Variants in SEMA3A observed in about 807,000 individuals in gnomAD.
The protein encoded by SEMA3A is semaphorin-3A.
In SEMA3A, 29 loss-of-function variants were observed where a neutral mutation model predicts 97.9. The ratio of observed to expected loss-of-function variants is 0.30; its 90% confidence interval spans 0.22 to 0.40. The LOEUF is 0.40. SEMA3A is among the 10% of genes least tolerant of loss of function. The pLI is 1.00. For missense variants in SEMA3A, 763 were observed against 951.3 expected, an observed-to-expected ratio of 0.80 and a Z score of 2.60; for synonymous variants, 321 against 323.7, an observed-to-expected ratio of 0.99 and a Z score of 0.09.
chr7:84,262,940 A>G (rs1319084990), intron 3 of SEMA3A, among the ~76,000 whole-genome samples: 1 of 152,208 alleles, frequency 6.6e-6, no homozygotes, highest in Non-Finnish European at 1.5e-5. Context: ...TGGATGACCC[A>G]TGGAAGAGGA....
intron 2 of SEMA3A, among the ~76,000 whole-genome samples, chr7:84,343,765 C>T (rs770725514): frequency 1.3e-5 from 2 of 151,766 alleles, no homozygotes; most frequent in African/African-American, 2.4e-5. Context: ...CTTGGAAGGC[C>T]GAGGGGAGAG....
intron 1 of SEMA3A, among the ~76,000 whole-genome samples, chr7:84,486,721 G>T (rs968874294): frequency 6.6e-6 from 1 of 152,178 alleles, no homozygotes; most frequent in Admixed American, 6.5e-5. Flanking sequence ...TCTTTATAGA[G>T]AATTTTGGAT....
At chr7:84,210,719 CTCTTTTT>C (rs958280238) in intron 3 of SEMA3A, among the ~76,000 whole-genome samples, 76 of 151,848 alleles carry the variant, frequency 5.0e-4, no homozygotes, top group African/African-American at 1.6e-3. Context: ...TGCAGGTTTT[CTCTTTTT>C]TCTTTTTTCT....
In SEMA3A at chr7:84,290,818, C is replaced by T. The variant is rs1030782991; in HGVS notation, c.-83+16389G>A. On this transcript the variant is annotated intron_variant, in intron 3 of 3. Coordinates refer to the SEMA3A transcript ENST00000424555. ...TAACTGTGGATTAGATGACTGTACC[C>T]TCTTGAAAAGATTTTACATGAGCAG... Among the ~76,000 whole-genome samples the T allele has an allele frequency of 2.0e-5, 3 of 152,196 alleles. No individual in the cohort carries two copies. The South Asian group carries it at 6.2e-4, about 32-fold the overall frequency.
At chr7:84,089,999 T>G (rs1314470987) in intron 4 of SEMA3A, among the ~76,000 whole-genome samples, 1 of 152,042 alleles carries the variant, frequency 6.6e-6, no homozygotes, top group African/African-American at 2.4e-5. Context: ...GATGGATGAT[T>G]TGAAGTTAGA....
chr7:84,456,445 G>T (rs921482307), intron 1 of SEMA3A, among the ~76,000 whole-genome samples: 6 of 151,772 alleles, frequency 4.0e-5, no homozygotes, highest in Admixed American at 1.3e-4. Flanking sequence ...TTAAGTAAGA[G>T]ATTTTAAAAG....
intron 1 of SEMA3A, among the ~76,000 whole-genome samples, chr7:84,473,159 T>C (rs1328278340): frequency 1.3e-5 from 2 of 151,500 alleles, no homozygotes; most frequent in Non-Finnish European, 2.9e-5. Context: ...TGTGTGTGTG[T>C]GTGTGTGTGT....
At chr7:84,405,821 G>A (rs1231832533) in intron 1 of SEMA3A, among the ~76,000 whole-genome samples, 1 of 152,100 alleles carries the variant, frequency 6.6e-6, no homozygotes, top group African/African-American at 2.4e-5. Context: ...CAAAATGAAG[G>A]CAGAAATAAA....
intron 1 of SEMA3A, among the ~76,000 whole-genome samples, chr7:84,395,890 A>T (rs1389582537): frequency 6.6e-6 from 1 of 152,172 alleles, no homozygotes; most frequent in Non-Finnish European, 1.5e-5. Context: ...TAATACAAGG[A>T]TCAAGAAAGG....
intron 1 of SEMA3A, among the ~76,000 whole-genome samples, chr7:84,471,577 G>T (rs764295364): frequency 6.6e-6 from 1 of 152,038 alleles, no homozygotes. Flanking sequence ...TTAGATTTGT[G>T]AGACAATAAT....
intron 2 of SEMA3A, among the ~76,000 whole-genome samples, chr7:84,314,130 T>C (rs1222863208): frequency 2.6e-5 from 4 of 152,086 alleles, no homozygotes; most frequent in Non-Finnish European, 5.9e-5. Context: ...GTGTGTATGA[T>C]AGCTTCTCAA....
intron 11 of SEMA3A, 84 bp from the exon 12 acceptor site, chr7:84,002,130 A>C (rs1014539246): frequency 1.5e-4 from 119 of 769,018 alleles, no homozygotes; most frequent in Non-Finnish European, 2.4e-4. Flanking sequence ...TGTATTTGTC[A>C]GACAAAGAAC....
intron 1 of SEMA3A, among the ~76,000 whole-genome samples, chr7:84,400,538 C>T (rs766447065): frequency 6.6e-5 from 10 of 151,866 alleles, no homozygotes; most frequent in African/African-American, 2.2e-4. Context: ...ACTGATCAAA[C>T]GGAGGAAAGA....
At chr7:84,437,414 T>A (rs942773774) in intron 1 of SEMA3A, among the ~76,000 whole-genome samples, 1 of 149,780 alleles carries the variant, frequency 6.7e-6, no homozygotes, top group Non-Finnish European at 1.5e-5. Context: ...TTACTTAAAT[T>A]GATATTGTTA....
chr7:84,306,037 C>T (rs961497455), intron 3 of SEMA3A, among the ~76,000 whole-genome samples: 1 of 151,484 alleles, frequency 6.6e-6, no homozygotes, highest in Non-Finnish European at 1.5e-5. Flanking sequence ...GTTTTTAGTG[C>T]TCTACCAATT....
At chr7:84,110,320 A>G (rs912985090) in intron 4 of SEMA3A, 150 bp downstream of exon 4, 7 of 799,696 alleles carry the variant, frequency 8.8e-6, no homozygotes, top group East Asian at 8.0e-5. Flanking sequence ...TTTTGCATTC[A>G]CAGATTAAAA....
chr7:84,387,281 T>C (rs1803422027), intron 1 of SEMA3A, among the ~76,000 whole-genome samples: 1 of 152,014 alleles, frequency 6.6e-6, no homozygotes, highest in African/African-American at 2.4e-5. Context: ...CTGCAATAAA[T>C]AAATAAATAA....
intron 2 of SEMA3A, among the ~76,000 whole-genome samples, chr7:84,336,225 A>G (rs1008758430): frequency 1.3e-5 from 2 of 152,174 alleles, no homozygotes; most frequent in African/African-American, 2.4e-5. Context: ...AAAACAGAGG[A>G]GGTAATTAAG....
At chr7:83,963,080 G>T in intron 16 of SEMA3A, 125 bp downstream of exon 16, 1 of 978,158 alleles carries the variant, frequency 1.0e-6, no homozygotes, top group Non-Finnish European at 1.6e-6. Context: ...ATGAATGAGC[G>T]ATTGATTGGT....
Sources: allele counts gnomAD v4.1 joint callset (sites outside exome capture counted in the v4.1 genomes callset), GRCh38; gene constraint gnomAD v4.1.1; transcripts MANE v1.5; gene names NCBI Gene and HGNC (gene_info 2026-07-23, HGNC 2026-07-21).